The following CCSER1 variants were observed in gnomAD, a reference collection of about 807,000 sequenced individuals.
The protein encoded by CCSER1 is coiled-coil serine rich protein 1, also known as serine-rich coiled-coil domain-containing protein 1.
In CCSER1, 41 loss-of-function variants were observed where a neutral mutation model predicts 82.0. The ratio of observed to expected loss-of-function variants is 0.50; its 90% CI spans 0.39 to 0.65. The LOEUF (loss-of-function observed/expected upper bound fraction) is 0.65. Ranked by LOEUF, CCSER1 falls within the 30% of genes least tolerant of loss-of-function variation. The pLI is 0.00. For synonymous variants in CCSER1, 414 were observed against 383.9 expected (o/e 1.08, Z -0.92); for missense variants, 1,119 against 1,064.2 (o/e 1.05, Z -0.72).
chr4:90,569,390 C>T (rs911272958), intron 5 of CCSER1, among the ~76,000 whole-genome samples: 18 of 152,090 alleles, frequency 1.2e-4, no homozygotes, highest in Non-Finnish European at 1.9e-4. Context: ...AACCTTTGAT[C>T]AAAAACACTA....
intron 5 of CCSER1, among the ~76,000 whole-genome samples, chr4:90,479,555 A>T (rs146794104): frequency 0.016 from 2,407 of 150,270 alleles, 39 homozygotes; most frequent in African/African-American, 0.047. Flanking sequence ...GGCCCTGGTG[A>T]GTAATGTTCC....
At chr4:91,004,605 C>T (rs1738339445) in intron 9 of CCSER1, among the ~76,000 whole-genome samples, 1 of 152,104 alleles carries the variant, frequency 6.6e-6, no homozygotes, top group African/African-American at 2.4e-5. Flanking sequence ...CAAAAGGTGC[C>T]TGAGTATGTG....
intron 8 of CCSER1, among the ~76,000 whole-genome samples, chr4:90,904,680 G>C (rs878919941): frequency 6.6e-5 from 10 of 152,084 alleles, no homozygotes; most frequent in Non-Finnish European, 1.3e-4. Context: ...GGCCTGGTCA[G>C]AAAAGTAGCA....
At chr4:91,318,668 T>A (rs1221337501) in intron 10 of CCSER1, among the ~76,000 whole-genome samples, 1 of 152,070 alleles carries the variant, frequency 6.6e-6, no homozygotes, top group Non-Finnish European at 1.5e-5. Context: ...AAATGCTACT[T>A]TAAAGAATAG....
Position 90,971,122 on chromosome 4 carries a change from T to C in CCSER1, c.2172+47675T>C, listed in dbSNP as rs186353125. On this transcript the variant is annotated intron_variant, in intron 9 of 10. Coordinates refer to ENST00000509176, the MANE Select transcript of CCSER1 (RefSeq NM_001145065.2). Reference sequence around the variant, plus strand: ...ATAATAAAAAAGATCAACAAAATGGTATTTGTTCTCATACTATGATAAAGA... The same window carrying C: ...ATAATAAAAAAGATCAACAAAATGGCATTTGTTCTCATACTATGATAAAGA... Among the ~76,000 whole-genome samples the C allele has an allele frequency of 2.4e-3, 358 of 151,994 alleles. 5 individuals are homozygous for C. Among genetic ancestry groups the C allele is most frequent in the African/African-American group, 7.4e-3 (305 of 41,432 alleles).
intron 5 of CCSER1, among the ~76,000 whole-genome samples, chr4:90,578,066 G>A (rs1043902790): frequency 2.3e-4 from 35 of 152,116 alleles, no homozygotes; most frequent in African/African-American, 8.2e-4. Flanking sequence ...GCTATTTACA[G>A]ATGACAGTAT....
intron 9 of CCSER1, among the ~76,000 whole-genome samples, chr4:90,943,729 A>ATTTTTTTTTTT (rs70965460): frequency 0.058 from 3,979 of 68,740 alleles, 448 homozygotes; most frequent in Non-Finnish European, 0.083. Flanking sequence ...TGCCAGGCTA[A>ATTTTTTTTTTT]TTTTTTTTTT....
intron 8 of CCSER1, among the ~76,000 whole-genome samples, chr4:90,867,839 C>T (rs1765934759): frequency 1.3e-5 from 2 of 151,934 alleles, no homozygotes; most frequent in Non-Finnish European, 2.9e-5. Context: ...AACATAATGT[C>T]CTCCAGTTCC....
chr4:90,992,558 A>T (rs1181958932), intron 9 of CCSER1, among the ~76,000 whole-genome samples: 1 of 152,022 alleles, frequency 6.6e-6, no homozygotes, highest in African/African-American at 2.4e-5. Flanking sequence ...GACTGAGATC[A>T]AGGTAATCTT....
rs139059741 is a variant in CCSER1, at chr4:91,070,791, A to C, written c.2173-15159A>C. On this transcript the variant is annotated intron_variant, in intron 9 of 10. Coordinates refer to ENST00000509176, the MANE Select transcript of CCSER1 (RefSeq NM_001145065.2). ...CCACAAAACCAGTTCCAGGTGCCAA[A>C]AAGGTTGGGAACCGCCGCTCTACAA... Among the ~76,000 whole-genome samples, 6 of 152,310 alleles carry C rather than the reference A, an allele frequency of 3.9e-5. No individual in the cohort carries two copies. In the East Asian group the frequency reaches 1.2e-3, roughly 29 times the overall value.
rs548343545 is a variant in CCSER1 at position 90,362,654 on chromosome 4, G to A, written c.1510-37382G>A. On this transcript the variant is annotated intron_variant, in intron 3 of 10. Transcript: ENST00000509176. ...TGCCTGAATATTTCTTTCCTTTTCC[G>A]CTGGCTTCTCCACTTTTCTTGCCCT... Among the ~76,000 whole-genome samples, 22 of 152,120 alleles carry A rather than the reference G, an allele frequency of 1.4e-4. No homozygotes were observed. The South Asian group carries it at 2.9e-3, about 20-fold the overall frequency.
chr4:90,336,012 A>G (rs1404859333), intron 3 of CCSER1, among the ~76,000 whole-genome samples: 1 of 152,242 alleles, frequency 6.6e-6, no homozygotes, highest in African/African-American at 2.4e-5. Context: ...CCATGGATAC[A>G]CTGTTTTGGG....
intron 10 of CCSER1, among the ~76,000 whole-genome samples, chr4:91,142,217 A>G (rs1729109705): frequency 6.6e-6 from 1 of 152,112 alleles, no homozygotes; most frequent in African/African-American, 2.4e-5. Flanking sequence ...GTGTCACAAG[A>G]TCTCATGGTT....
At chr4:91,573,844 A>G (rs958818883) in intron 10 of CCSER1, among the ~76,000 whole-genome samples, 4 of 152,256 alleles carry the variant, frequency 2.6e-5, no homozygotes, top group Admixed American at 2.6e-4. Context: ...CTCCCCACCC[A>G]GTTCTGTTTT....
At chr4:90,693,562 T>A (rs548881977) in intron 6 of CCSER1, 1 of 152,082 alleles carries the variant, frequency 6.6e-6, no homozygotes, top group Non-Finnish European at 1.5e-5. Flanking sequence ...AAAGGTGGAA[T>A]AAGCTTGATG....
At chr4:91,319,260 T>C (rs1746031309) in intron 10 of CCSER1, 1 of 189,352 alleles carries the variant, frequency 5.3e-6, no homozygotes, top group Non-Finnish European at 1.1e-5. Flanking sequence ...AATGTATCAT[T>C]ATTCTCAAAT....
At chr4:90,211,965 C>T (rs536850300) in intron 1 of CCSER1, among the ~76,000 whole-genome samples, 1 of 152,284 alleles carries the variant, frequency 6.6e-6, no homozygotes, top group Non-Finnish European at 1.5e-5. Flanking sequence ...AGCAGAATGT[C>T]AAGTTCAAGT....
chr4:90,698,506 C>T (rs1340986172), intron 6 of CCSER1, among the ~76,000 whole-genome samples: 1 of 152,106 alleles, frequency 6.6e-6, no homozygotes, highest in Non-Finnish European at 1.5e-5. Context: ...AAAGCATTCC[C>T]CATTTACAAA....
chr4:91,352,963 T>C (rs1748575076), intron 10 of CCSER1, among the ~76,000 whole-genome samples: 1 of 151,776 alleles, frequency 6.6e-6, no homozygotes, highest in South Asian at 2.1e-4. Context: ...ATAGACAGTG[T>C]ATGGGAAGAG....
Sources: gnomAD v4.1 joint callset for allele counts (sites outside exome capture counted in the v4.1 genomes callset) on GRCh38, gnomAD v4.1.1 for gene constraint, MANE v1.5 for transcripts, NCBI Gene and HGNC (gene_info 2026-07-23, HGNC 2026-07-21) for gene names.